The following SEMA3A variants were observed in gnomAD, a reference collection of about 807,000 sequenced individuals.
SEMA3A encodes semaphorin 3A, also known as semaphorin-3A.
Under a neutral mutation model 97.9 loss-of-function variants are expected in SEMA3A, and 29 were observed. The ratio of observed to expected loss-of-function variants is 0.30; its 90% CI spans 0.22 to 0.40. SEMA3A has a LOEUF of 0.40. Among genes scored for constraint, SEMA3A ranks in the 10% least tolerant of loss-of-function variants. The probability of loss-of-function intolerance (pLI) is 1.00; values close to 1 mark genes in which losing one functional copy is unlikely to be tolerated. For missense variants in SEMA3A, 763 were observed against 951.3 expected (o/e 0.80, Z 2.60); for synonymous variants, 321 against 323.7 (o/e 0.99, Z 0.09).
intron 1 of SEMA3A, among the ~76,000 whole-genome samples, chr7:84,147,491 A>G (rs946122891): frequency 2.6e-5 from 4 of 152,188 alleles, no homozygotes; most frequent in South Asian, 2.1e-4. Flanking sequence ...TGAGGCAAGC[A>G]TATATTTCAT....
intron 1 of SEMA3A, among the ~76,000 whole-genome samples, chr7:84,470,986 A>G (rs1284950888): frequency 6.6e-6 from 1 of 152,116 alleles, no homozygotes; most frequent in Non-Finnish European, 1.5e-5. Flanking sequence ...ACAGGAATAA[A>G]AGAGAGATGG....
chr7:84,468,024 C>G (rs183498822), intron 1 of SEMA3A, among the ~76,000 whole-genome samples: 2 of 152,110 alleles, frequency 1.3e-5, no homozygotes, highest in African/African-American at 4.8e-5. Flanking sequence ...ATAGACTGTA[C>G]GTAGGCTCCC....
chr7:84,124,638 C>A lies in SEMA3A; in HGVS notation c.333+4485G>T, dbSNP rs531922497. 7.2e-5 allele frequency among the ~76,000 whole-genome samples: 11 copies of A among 152,138 alleles called. No homozygotes were observed. The East Asian group carries it at 2.1e-3, about 29-fold the overall frequency. On this transcript the variant is annotated intron_variant, in intron 3 of 16. Transcript: ENST00000265362. ...GCCTCTTTCTTCTTAATATTTATTT[C>A]TTATTGTTTATTTAAATCATTGTTA...
At position 83,961,408 on chromosome 7, in the gene SEMA3A, C is replaced by G; in HGVS notation, c.2279G>C (p.Arg760Thr). Reference protein sequence around the residue: ...LQENKKGRNRRTHEFERAPRS... With the variant: ...LQENKKGRNRTTHEFERAPRS... The stretch of plus-strand genomic sequence containing the variant: ...GGGTGCCCTCTCAAATTCGTGGGTC[C>G]TCCTGTTTCTACCTTTCTTATTTTC... Residue 760 changes from arginine (R) to threonine (T), a missense_variant, in exon 17 of 17, where the codon AGG becomes ACG. This residue lies in a region of SEMA3A where 678 missense variants were observed against 881.3 expected (regional missense o/e 0.77). Transcript: ENST00000265362. 7 of 1,614,048 alleles carry G rather than the reference C, an allele frequency of 4.3e-6. No homozygotes were observed. The highest frequency in any genetic ancestry group is 5.9e-6 in the Non-Finnish European group (7 of 1,179,942).
At chr7:84,338,794 A>G (rs1030768502) in intron 2 of SEMA3A, among the ~76,000 whole-genome samples, 2 of 152,144 alleles carry the variant, frequency 1.3e-5, no homozygotes, top group African/African-American at 4.8e-5. Flanking sequence ...TAAAAGACCA[A>G]TTTGCCAATG....
intron 1 of SEMA3A, among the ~76,000 whole-genome samples, chr7:84,180,036 T>A (rs2116232497): frequency 7.2e-6 from 1 of 138,300 alleles, no homozygotes; most frequent in African/African-American, 2.7e-5. Flanking sequence ...AACCTCCACC[T>A]CCCGGGTTCA....
At chr7:84,003,938 T>C (rs1380527966) in intron 11 of SEMA3A, among the ~76,000 whole-genome samples, 1 of 152,160 alleles carries the variant, frequency 6.6e-6, no homozygotes, top group Non-Finnish European at 1.5e-5. Context: ...TAGACTTTAA[T>C]ATATTACTCA....
chr7:84,402,091 C>T (rs1803920057), intron 1 of SEMA3A, among the ~76,000 whole-genome samples: 1 of 152,086 alleles, frequency 6.6e-6, no homozygotes, highest in African/African-American at 2.4e-5. Flanking sequence ...TGTAAACTAT[C>T]CACCCAACAA....
intron 3 of SEMA3A, among the ~76,000 whole-genome samples, chr7:84,251,495 C>T (rs811622): frequency 0.76 from 115,863 of 152,158 alleles, 45,192 homozygotes; most frequent in African/African-American, 0.94. Context: ...TGAGGACATC[C>T]ATGCTAAAGT....
chr7:84,420,337 T>C (rs1230930071), intron 1 of SEMA3A, among the ~76,000 whole-genome samples: 1 of 151,602 alleles, frequency 6.6e-6, no homozygotes, highest in Non-Finnish European at 1.5e-5. Flanking sequence ...AAATGATGGA[T>C]GTACAAGTAG....
At chr7:84,385,799 T>C (rs1803381400) in intron 1 of SEMA3A, among the ~76,000 whole-genome samples, 1 of 152,204 alleles carries the variant, frequency 6.6e-6, no homozygotes, top group Non-Finnish European at 1.5e-5. Context: ...CTTTTCACTC[T>C]TACCATTTTT....
rs1292479507 is a variant in SEMA3A at position 83,958,717 on chromosome 7, T to C, written c.*2654A>G. 3 of 152,514 alleles carry C rather than the reference T, an allele frequency of 2.0e-5. No homozygotes were observed. The Admixed American group carries it at 2.0e-4, about 10-fold the overall frequency. The allele number at this position is 152,514 out of a possible 1,614,324, so 9.4% of individuals were successfully genotyped here. ...GTAGGTAGCAAAAATATTAAACACA[T>C]ACCACTGCAAATTACTAAATAATAC... On this transcript the variant is annotated 3_prime_UTR_variant, in exon 17 of 17. Transcript: ENST00000265362.
chr7:84,306,526 C>G (rs1375316674), intron 3 of SEMA3A: 6 of 152,046 alleles, frequency 3.9e-5, no homozygotes, highest in Non-Finnish European at 4.4e-5. Context: ...CTTTTAATAG[C>G]AACATATGTA....
chr7:84,262,345 G>A (rs1027679342), intron 3 of SEMA3A, among the ~76,000 whole-genome samples: 1 of 152,088 alleles, frequency 6.6e-6, no homozygotes, highest in Admixed American at 6.6e-5. Context: ...CTCTCAAGTA[G>A]CTGGGATTAC....
chr7:84,464,456 A>G (rs2116395420), intron 1 of SEMA3A, among the ~76,000 whole-genome samples: 1 of 152,332 alleles, frequency 6.6e-6, no homozygotes, highest in African/African-American at 2.4e-5. Flanking sequence ...CAGAAAACAG[A>G]ACCAATACAA....
chr7:84,398,175 C>T (rs911216704), intron 1 of SEMA3A, among the ~76,000 whole-genome samples: 5 of 152,162 alleles, frequency 3.3e-5, no homozygotes, highest in African/African-American at 1.2e-4. Context: ...CTTCCTCATT[C>T]TCCTATCCAA....
chr7:83,990,750 T>A lies in SEMA3A; in HGVS notation c.1453-5273A>T, dbSNP rs1240456381. Among the ~76,000 whole-genome samples, 7 of 107,136 alleles carry A rather than the reference T, an allele frequency of 6.5e-5. 1 individual carries two copies. Among genetic ancestry groups the A allele is most frequent in the South Asian group, 3.6e-4 (1 of 2,782 alleles). The allele number at this position is 107,136 out of a possible 152,430, so 70.3% of individuals were successfully genotyped here. A position where few individuals can be genotyped will look rare whatever the true frequency, so the allele number is the denominator to read the frequency against. On this transcript the variant is annotated intron_variant, in intron 12 of 16. Coordinates refer to ENST00000265362, the MANE Select transcript of SEMA3A (RefSeq NM_006080.3). ...TGTAGTATAGTTTGAAGTCAGGTAG[T>A]GTGATGCCTCCAGCTTTGTTCTTTT...
chr7:83,993,312 T>G (rs1328466005), intron 12 of SEMA3A, among the ~76,000 whole-genome samples: 2 of 144,812 alleles, frequency 1.4e-5, no homozygotes. Flanking sequence ...TTAGTCCATT[T>G]ACATTTAAAG....
chr7:84,254,483 G>C (rs1371578025), intron 3 of SEMA3A, among the ~76,000 whole-genome samples: 2 of 152,150 alleles, frequency 1.3e-5, no homozygotes, highest in African/African-American at 4.8e-5. Flanking sequence ...ATACGTGTTT[G>C]TACCCGAGTT....
Sources: gnomAD v4.1 joint callset for allele counts (sites outside exome capture counted in the v4.1 genomes callset) on GRCh38, gnomAD v4.1.1 for gene constraint, gnomAD v4.1.1 regional missense constraint, MANE v1.5 for transcripts, NCBI Gene and HGNC (gene_info 2026-07-23, HGNC 2026-07-21) for gene names.